GEMIN2: variants seen among roughly 807,000 people sequenced by gnomAD.
GEMIN2 encodes gem-associated protein 2.
In GEMIN2, 37 loss-of-function variants were observed where a neutral mutation model predicts 45.8. The observed-to-expected ratio is 0.81, with a 90% confidence interval of 0.62 to 1.06. The LOEUF (loss-of-function observed/expected upper bound fraction) is 1.06. Ranked by LOEUF, GEMIN2 falls within the 50% of genes least tolerant of loss-of-function variation. The pLI, the probability that GEMIN2 is intolerant of heterozygous loss-of-function variation, is 0.00. For missense variants in GEMIN2, 335 were observed against 321.8 expected, an observed-to-expected ratio of 1.04 and a Z score of -0.31; for synonymous variants, 101 against 111.5, an observed-to-expected ratio of 0.91 and a Z score of 0.60.
intron 6 of GEMIN2, among the ~76,000 whole-genome samples, chr14:39,125,411 A>G (rs1285191965): frequency 6.6e-6 from 1 of 152,104 alleles, no homozygotes. Flanking sequence ...AATTAAATAC[A>G]AGGTCCCTGA....
At chr14:39,127,813 T>G (rs1711838241) in intron 6 of GEMIN2, among the ~76,000 whole-genome samples, 1 of 152,090 alleles carries the variant, frequency 6.6e-6, no homozygotes, top group Non-Finnish European at 1.5e-5. Context: ...CTCACACCTG[T>G]GATCGCAGCA....
Position 39,133,704 on chromosome 14 carries a change from T to A in GEMIN2, c.755T>A (p.Ile252Asn). The change falls in exon 9 of 10, where the codon ATC (isoleucine) becomes AAC (asparagine). Residue 252 changes from isoleucine to asparagine, a missense_variant. Coordinates refer to ENST00000308317, the MANE Select transcript of GEMIN2 (RefSeq NM_003616.3). Reference protein sequence around the residue: ...DERVPALNLLICLVSRYFDQR... With the variant: ...DERVPALNLLNCLVSRYFDQR... ...AGGGTTCCTGCTTTGAATTTATTAA[T>A]CTGCTTGGTTAGCAGGTATAGTTAA... The A allele has an allele frequency of 6.5e-7, 1 of 1,535,030 alleles. No individual in the cohort carries two copies. Among genetic ancestry groups the A allele is most frequent in the Non-Finnish European group, 8.9e-7 (1 of 1,128,438 alleles).
At chr14:39,131,499 A>T (rs8010386) in intron 7 of GEMIN2, among the ~76,000 whole-genome samples, 4,559 of 152,274 alleles carry the variant, frequency 0.03, 232 homozygotes, top group African/African-American at 0.1. Context: ...GAGCCTGTCA[A>T]AGTATTTATA....
At chr14:39,119,338 G>T (rs896170486) in intron 4 of GEMIN2, among the ~76,000 whole-genome samples, 2 of 152,118 alleles carry the variant, frequency 1.3e-5, no homozygotes, top group African/African-American at 4.8e-5. Context: ...CAATTCCAGT[G>T]ACATATAAGT....
chr14:39,123,786 T>A (rs540246395), intron 5 of GEMIN2, among the ~76,000 whole-genome samples: 1 of 134,098 alleles, frequency 7.5e-6, no homozygotes, highest in Admixed American at 8.4e-5. Context: ...AGTAGTGCAC[T>A]CATAGCTCAT....
At chr14:39,122,143 T>A (rs1026931807) in intron 4 of GEMIN2, 3 of 277,416 alleles carry the variant, frequency 1.1e-5, no homozygotes, top group Non-Finnish European at 2.0e-5. Flanking sequence ...AATCCAAATT[T>A]CCTCTTATAA....
intron 9 of GEMIN2, among the ~76,000 whole-genome samples, chr14:39,134,553 G>A (rs1163452518): frequency 6.6e-6 from 1 of 152,174 alleles, no homozygotes; most frequent in Non-Finnish European, 1.5e-5. Flanking sequence ...ATATTGGGAA[G>A]GCAAGTAATC....
At chr14:39,128,132 T>A in intron 6 of GEMIN2, 148 bp from the exon 7 acceptor site, 15 of 438,496 alleles carry the variant, frequency 3.4e-5, no homozygotes, top group South Asian at 8.9e-5. Flanking sequence ...CTAATTAGAG[T>A]CAAACAAATT....
Position 39,133,717 on chromosome 14 carries a change from C to T in GEMIN2, c.768C>T (p.Ser256=). Residue 256 remains serine (S), a splice_region_variant and synonymous_variant, in exon 9 of 10, where the codon AGC becomes AGT. Transcript: ENST00000308317. ...TGAATTTATTAATCTGCTTGGTTAG[C>T]AGGTATAGTTAATCCTTGGCTTCTT... The part of the protein sequence containing the change: ...PALNLLICLV[S]RYFDQRDLAD... The T allele has an allele frequency of 1.3e-6, 2 of 1,491,618 alleles. No individual in the cohort carries two copies. The highest frequency in any genetic ancestry group is 1.9e-5 in the Admixed American group (1 of 53,490). The allele number at this position is 1,491,618 out of a possible 1,614,324, so 92.4% of individuals were successfully genotyped here.
chr14:39,127,090 CTTT>C (rs35988558), intron 6 of GEMIN2, among the ~76,000 whole-genome samples: 6 of 124,570 alleles, frequency 4.8e-5, no homozygotes, highest in Non-Finnish European at 6.6e-5. Context: ...ACAAATACAT[CTTT>C]TTTTTTTTTT....
chr14:39,136,522 C>A lies in GEMIN2; in HGVS notation c.*43C>A. 6.6e-7 allele frequency: 1 copy of A among 1,515,466 alleles called. No individual in the cohort carries two copies. Among genetic ancestry groups the A allele is most frequent in the Non-Finnish European group, 9.1e-7 (1 of 1,095,750 alleles). The allele number at this position is 1,515,466 out of a possible 1,614,324, so 93.9% of individuals were successfully genotyped here. Reference sequence around the variant, plus strand: ...GGATAGAAGATATTTCTCATGAAGGCAGCCTAACTCTGAGGAAAACAATGC... The same window carrying A: ...GGATAGAAGATATTTCTCATGAAGGAAGCCTAACTCTGAGGAAAACAATGC... On this transcript the variant is annotated 3_prime_UTR_variant, in exon 10 of 10. Transcript: ENST00000308317.
chr14:39,128,306 T>C lies in GEMIN2; in HGVS notation c.558T>C (p.Tyr186=). 1.3e-6 allele frequency: 2 copies of C among 1,579,750 alleles called. No homozygotes were observed. Among genetic ancestry groups the C allele is most frequent in the South Asian group, 1.1e-5 (1 of 89,278 alleles). The change falls in exon 7 of 10, where the codon TAT becomes TAC. Residue 186 remains tyrosine (Y), a synonymous_variant. Transcript: ENST00000308317. ...NQATVTSVLE[Y]LSNWFGERDF... ...CAACAGTAACTAGTGTCTTGGAATA[T>C]CTGAGTAATTGGTTTGGAGAAAGAG...
chr14:39,133,800 T>G, intron 9 of GEMIN2, 81 bp downstream of exon 9: 2 of 824,976 alleles, frequency 2.4e-6, no homozygotes, highest in Non-Finnish European at 3.8e-6. Flanking sequence ...TTGGTTTTTG[T>G]TTGGTTGGTT....
chr14:39,136,959 C>T lies in GEMIN2; in HGVS notation c.*480C>T, dbSNP rs1200562056. ...GTTCATAGTCAGCAATAAAATTAAA[C>T]ATTTTTCCCTTTAAGCTCAGCACTT... On this transcript the variant is annotated 3_prime_UTR_variant, in exon 10 of 10. Coordinates refer to ENST00000308317, the MANE Select transcript of GEMIN2 (RefSeq NM_003616.3). The T allele has an allele frequency of 6.7e-6, 1 of 148,926 alleles. No homozygotes were observed. The highest frequency in any genetic ancestry group is 2.5e-5 in the African/African-American group (1 of 40,588). 9.2% of individuals were successfully genotyped at this position (148,926 alleles called of 1,614,324 possible). A position where few individuals can be genotyped will look rare whatever the true frequency, so the allele number is the denominator to read the frequency against.
rs115731194 is a variant in GEMIN2 at position 39,133,873 on chromosome 14, A to G, written c.770+154A>G. On this transcript the variant is annotated intron_variant, in intron 9 of 9. Coordinates refer to ENST00000308317, the MANE Select transcript of GEMIN2 (RefSeq NM_003616.3). ...CAGTGGCGCAATCACAGCTCACTAGAGCTTTAACTTCCTGGGCTCCAGCAA... is the reference window on the plus strand; with the variant it reads ...CAGTGGCGCAATCACAGCTCACTAGGGCTTTAACTTCCTGGGCTCCAGCAA... The G allele has an allele frequency of 6.0e-3, 2,801 of 463,316 alleles. 67 individuals carry two copies. Among genetic ancestry groups the G allele is most frequent in the African/African-American group, 0.05 (2,479 of 49,248 alleles). The allele number at this position is 463,316 out of a possible 1,614,324, so 28.7% of individuals were successfully genotyped here.
chr14:39,136,293 C>T (rs1390796282), intron 9 of GEMIN2, 147 bp from the exon 10 acceptor site: 117 of 580,744 alleles, frequency 2.0e-4, no homozygotes, highest in South Asian at 2.3e-5. Context: ...TTTATGGCTT[C>T]ATAATTTTCC....
chr14:39,127,238 C>T (rs570368525), intron 6 of GEMIN2, among the ~76,000 whole-genome samples: 4 of 149,976 alleles, frequency 2.7e-5, no homozygotes, highest in East Asian at 2.0e-4. Context: ...TTACAGACCC[C>T]GCCACCATGC....
rs568350267 is a variant in GEMIN2 at position 39,121,641 on chromosome 14, A to T, written c.373-789A>T. On this transcript the variant is annotated intron_variant, in intron 4 of 9. Transcript: ENST00000308317. ...AGACTAGGTGGATTAAACAACAGAAATGTATTTATTTTCTCAGTCTTGAAG... is the reference window on the plus strand; with the variant it reads ...AGACTAGGTGGATTAAACAACAGAATTGTATTTATTTTCTCAGTCTTGAAG... 3.3e-5 allele frequency among the ~76,000 whole-genome samples: 5 copies of T among 152,318 alleles called. No individual in the cohort carries two copies. In the East Asian group the frequency reaches 7.7e-4, roughly 23 times the overall value.
intron 2 of GEMIN2, among the ~76,000 whole-genome samples, chr14:39,115,711 T>TC: frequency 6.6e-6 from 1 of 152,056 alleles, no homozygotes. Flanking sequence ...CACCTCTGCC[T>TC]CCCAAACTGC....
Sources: allele counts gnomAD v4.1 joint callset (sites outside exome capture counted in the v4.1 genomes callset), GRCh38; gene constraint gnomAD v4.1.1; transcripts MANE v1.5; gene names NCBI Gene and HGNC (gene_info 2026-07-23, HGNC 2026-07-21).